PLOD2: variants seen among roughly 807,000 people sequenced by gnomAD.
PLOD2 encodes lysine hydroxylase 2.
In PLOD2, 65 loss-of-function variants were observed where a neutral mutation model predicts 101.0. The ratio of observed to expected loss-of-function variants is 0.64; its 90% confidence interval spans 0.53 to 0.79. The LOEUF (loss-of-function observed/expected upper bound fraction) is 0.79. Among genes scored for constraint, PLOD2 ranks in the 30% least tolerant of loss-of-function variants. PLOD2 has a pLI of 0.00. For synonymous variants in PLOD2, 314 were observed against 302.9 expected, an observed-to-expected ratio of 1.04 and a Z score of -0.38; for missense variants, 909 against 914.6, an observed-to-expected ratio of 0.99 and a Z score of 0.08.
chr3:146,094,461 T>C (rs1937080573), intron 7 of PLOD2, among the ~76,000 whole-genome samples: 1 of 152,056 alleles, frequency 6.6e-6, no homozygotes, highest in African/African-American at 2.4e-5. Context: ...GAGAGCCAAA[T>C]TATGAGTGAA....
At chr3:146,111,941 A>G (rs926897193) in intron 3 of PLOD2, among the ~76,000 whole-genome samples, 1 of 152,132 alleles carries the variant, frequency 6.6e-6, no homozygotes, top group African/African-American at 2.4e-5. Flanking sequence ...TCTCTGAAAG[A>G]GCGACTACCA....
chr3:146,096,889 G>GGGGGT (rs1937195001), intron 7 of PLOD2, among the ~76,000 whole-genome samples: 1 of 122,230 alleles, frequency 8.2e-6, no homozygotes, highest in Non-Finnish European at 1.7e-5. Context: ...GTGGGGGGGG[G>GGGGGT]GAGTCGGCCA....
rs764857059 is a variant in PLOD2 at position 146,124,185 on chromosome 3, A to T, written c.154T>A (p.Phe52Ile). 6.3e-7 allele frequency: 1 copy of T among 1,598,218 alleles called. No individual in the cohort carries two copies. The highest frequency in any genetic ancestry group is 8.6e-7 in the Non-Finnish European group (1 of 1,166,310). The change falls in exon 2 of 20, where the codon TTC becomes ATC. Residue 52 changes from phenylalanine to isoleucine, a missense_variant. Coordinates refer to ENST00000282903, the MANE Select transcript of PLOD2 (RefSeq NM_182943.3). ...ITVATKESDGFHRFMQSAKYF... is the reference protein window; with the variant it reads ...ITVATKESDGIHRFMQSAKYF... ...TTGGCTGACTGCATAAATCGATGGA[A>T]TCCATCACTTTCTTTTGTTGCTACA...
At chr3:146,077,192 C>T (rs1349866599) in intron 14 of PLOD2, 2 of 1,032,176 alleles carry the variant, frequency 1.9e-6, no homozygotes, top group Non-Finnish European at 2.3e-6. Context: ...GGAAAAAATT[C>T]CTGTTTGAAA....
chr3:146,151,101 A>C lies in PLOD2; in HGVS notation c.109+9780T>G, dbSNP rs114292999. On this transcript the variant is annotated intron_variant, in intron 1 of 19. Coordinates refer to ENST00000282903, the MANE Select transcript of PLOD2 (RefSeq NM_182943.3). ...AATTTAAAACACAAAACAACCTTAT[A>C]TCTATGCCTTCTTTGGCCTAACAAA... 3.7e-3 allele frequency among the ~76,000 whole-genome samples: 568 copies of C among 152,334 alleles called. 1 individual carries two copies. Among genetic ancestry groups the C allele is most frequent in the Middle Eastern group, 0.014 (4 of 294 alleles).
rs183697336 is a variant in PLOD2 at position 146,075,731 on chromosome 3, C to T, written c.1677+1051G>A. Among the ~76,000 whole-genome samples, 4 of 151,486 alleles carry T rather than the reference C, an allele frequency of 2.6e-5. No individual in the cohort carries two copies. In the East Asian group the frequency reaches 7.8e-4, roughly 29 times the overall value. ...ATGTGAACTATTTGTAAACATGTTT[C>T]TAAAATTGTGATTAAAACTGGATGG... On this transcript the variant is annotated intron_variant, in intron 15 of 19. Coordinates refer to ENST00000282903, the MANE Select transcript of PLOD2 (RefSeq NM_182943.3).
At chr3:146,074,979 C>G (rs1045312908) in intron 15 of PLOD2, among the ~76,000 whole-genome samples, 1 of 151,526 alleles carries the variant, frequency 6.6e-6, no homozygotes, top group African/African-American at 2.4e-5. Flanking sequence ...TGAATTCTTA[C>G]ACAAATATCT....
chr3:146,097,023 C>G (rs1937206497), intron 7 of PLOD2, among the ~76,000 whole-genome samples: 1 of 147,876 alleles, frequency 6.8e-6, no homozygotes, highest in Non-Finnish European at 1.5e-5. Flanking sequence ...CCCCGCCCGG[C>G]CAGCCGCCCC....
intron 1 of PLOD2, among the ~76,000 whole-genome samples, chr3:146,154,651 T>A (rs1304305916): frequency 6.6e-6 from 1 of 152,178 alleles, no homozygotes; most frequent in African/African-American, 2.4e-5. Context: ...ATTTCCACAC[T>A]AACAAATTAA....
intron 9 of PLOD2, 64 bp downstream of exon 9, chr3:146,088,522 C>T: frequency 8.7e-7 from 1 of 1,149,282 alleles, no homozygotes; most frequent in South Asian, 1.3e-5. Context: ...ACATAAATAA[C>T]AAATAGTTCC....
At chr3:146,080,018 C>A (rs1259420900) in intron 12 of PLOD2, among the ~76,000 whole-genome samples, 1 of 151,978 alleles carries the variant, frequency 6.6e-6, no homozygotes, top group Non-Finnish European at 1.5e-5. Flanking sequence ...GCCCCTAAGA[C>A]TGTGCGCCTT....
intron 2 of PLOD2, among the ~76,000 whole-genome samples, chr3:146,121,936 T>C (rs999283614): frequency 6.6e-5 from 10 of 152,176 alleles, no homozygotes; most frequent in African/African-American, 2.2e-4. Context: ...GAACAGAAAG[T>C]GCAATACACG....
At chr3:146,146,438 AAGGAT>A (rs1451713118) in intron 1 of PLOD2, among the ~76,000 whole-genome samples, 3 of 152,170 alleles carry the variant, frequency 2.0e-5, no homozygotes, top group Non-Finnish European at 4.4e-5. Context: ...GCATGGTCAG[AAGGAT>A]ACGGTTTACC....
intron 1 of PLOD2, among the ~76,000 whole-genome samples, chr3:146,157,773 T>C (rs1480242276): frequency 6.6e-6 from 1 of 152,244 alleles, no homozygotes; most frequent in South Asian, 2.1e-4. Flanking sequence ...ATGGATGATA[T>C]GTCATTCTGT....
intron 1 of PLOD2, among the ~76,000 whole-genome samples, chr3:146,127,277 T>C (rs944010805): frequency 2.0e-5 from 3 of 152,172 alleles, no homozygotes; most frequent in Admixed American, 1.3e-4. Flanking sequence ...ATTACCCACA[T>C]AGTGAACACT....
chr3:146,075,130 T>A (rs889089843), intron 15 of PLOD2, among the ~76,000 whole-genome samples: 4 of 151,590 alleles, frequency 2.6e-5, no homozygotes, highest in African/African-American at 9.7e-5. Context: ...AGAAAACACC[T>A]CTTTTCAGCT....
intron 1 of PLOD2, among the ~76,000 whole-genome samples, chr3:146,144,241 C>T (rs940044326): frequency 8.6e-5 from 13 of 151,976 alleles, no homozygotes; most frequent in African/African-American, 2.7e-4. Flanking sequence ...ACCACTGATA[C>T]GAATATGCAA....
chr3:146,125,971 G>T (rs1449576402), intron 1 of PLOD2, among the ~76,000 whole-genome samples: 1 of 152,008 alleles, frequency 6.6e-6, no homozygotes, highest in African/African-American at 2.4e-5. Flanking sequence ...TAAATCATAA[G>T]AATTAACTAC....
At chr3:146,100,711 G>A (rs1937356204) in intron 7 of PLOD2, among the ~76,000 whole-genome samples, 1 of 152,166 alleles carries the variant, frequency 6.6e-6, no homozygotes, top group East Asian at 1.9e-4. Flanking sequence ...AATGTGAAGA[G>A]GGTGTGCATG....
Sources: allele counts gnomAD v4.1 joint callset (sites outside exome capture counted in the v4.1 genomes callset), GRCh38; gene constraint gnomAD v4.1.1; transcripts MANE v1.5; gene names NCBI Gene and HGNC (gene_info 2026-07-23, HGNC 2026-07-21).